Variants in GPHN observed in about 807,000 individuals in gnomAD.
The protein encoded by GPHN is gephyrin.
In GPHN, 17 loss-of-function variants were observed where a neutral mutation model predicts 95.5. The ratio of observed to expected loss-of-function variants is 0.18; its 90% CI spans 0.12 to 0.27. The LOEUF (loss-of-function observed/expected upper bound fraction) is 0.27. Ranked by LOEUF, GPHN falls within the 10% of genes least tolerant of loss-of-function variation. The probability of loss-of-function intolerance (pLI) is 1.00; values close to 1 mark genes in which losing one functional copy is unlikely to be tolerated. For missense variants in GPHN, 660 were observed against 978.1 expected, an observed-to-expected ratio of 0.67 and a Z score of 4.34; for synonymous variants, 320 against 322.5, an observed-to-expected ratio of 0.99 and a Z score of 0.08.
At chr14:67,486,107 C>T in the GPHN span, among the ~76,000 whole-genome samples, 18 of 152,182 alleles carry the variant, frequency 1.2e-4, no homozygotes, top group African/African-American at 1.7e-4. Flanking sequence ...GCTTCACTCA[C>T]GCCAGACAAT....
chr14:67,303,489 A>T, the GPHN span: 1 of 1,534,730 alleles, frequency 6.5e-7, no homozygotes, highest in African/African-American at 1.4e-5. Flanking sequence ...CATAAATGCA[A>T]ATTTAAAAAA....
intron 1 of GPHN, among the ~76,000 whole-genome samples, chr14:66,668,467 A>C (rs768253805): frequency 6.6e-6 from 1 of 152,192 alleles, no homozygotes; most frequent in South Asian, 2.1e-4. Flanking sequence ...GAGAATGAAG[A>C]TATGTCCTTT....
the GPHN span, chr14:67,241,360 C>G: frequency 6.7e-6 from 1 of 150,362 alleles, no homozygotes. Context: ...GCGGTGACGG[C>G]GGCGACGGAG....
chr14:66,598,358 A>G (rs2062071803), intron 1 of GPHN, among the ~76,000 whole-genome samples: 1 of 151,230 alleles, frequency 6.6e-6, no homozygotes, highest in Non-Finnish European at 1.5e-5. Flanking sequence ...GTATCAAAGC[A>G]TCATGTTTTA....
At chr14:67,275,201 T>C in the GPHN span, among the ~76,000 whole-genome samples, 1 of 152,208 alleles carries the variant, frequency 6.6e-6, no homozygotes, top group Non-Finnish European at 1.5e-5. Flanking sequence ...TTGTGGCAGT[T>C]TTGAAAGAGA....
intron 17 of GPHN, among the ~76,000 whole-genome samples, chr14:67,134,953 C>CTTCTTTTTTTTTTTTTTTTTTTTTTTT (rs573340363): frequency 2.2e-5 from 1 of 45,252 alleles, no homozygotes; most frequent in Non-Finnish European, 4.2e-5. Context: ...TTTCTTTCTT[C>CTTCTTTTTTTTTTTTTTTTTTTTTTTT]TTTTTTTTTT....
At chr14:66,964,738 C>T (rs958658559) in intron 8 of GPHN, among the ~76,000 whole-genome samples, 7 of 152,148 alleles carry the variant, frequency 4.6e-5, no homozygotes, top group African/African-American at 1.7e-4. Context: ...CTGCCAGTGC[C>T]TTTCACTGAC....
intron 1 of GPHN, among the ~76,000 whole-genome samples, chr14:66,522,730 A>G (rs1202824872): frequency 6.6e-6 from 1 of 151,854 alleles, no homozygotes; most frequent in Non-Finnish European, 1.5e-5. Flanking sequence ...AAAATTAATT[A>G]TTTTACCCTG....
chr14:66,771,238 C>T lies in GPHN; in HGVS notation c.144-5226C>T, dbSNP rs148340120. Among the ~76,000 whole-genome samples the T allele has an allele frequency of 4.5e-4, 69 of 152,252 alleles. No homozygotes were observed. In the East Asian group the frequency reaches 4.6e-3, roughly 10 times the overall value. On this transcript the variant is annotated intron_variant, in intron 2 of 22. Transcript: ENST00000478722. ...TGATAAATCTTTGATCACCGTGGAC[C>T]TCCAATTCTTTTTGATTGGCTCCTT...
At chr14:66,512,147 T>C (rs1469156393) in intron 1 of GPHN, among the ~76,000 whole-genome samples, 3 of 151,856 alleles carry the variant, frequency 2.0e-5, no homozygotes. Flanking sequence ...AGAAACAGGA[T>C]GTGGTGCAGA....
intron 1 of GPHN, among the ~76,000 whole-genome samples, chr14:66,574,403 C>T (rs1237458959): frequency 6.6e-6 from 1 of 152,088 alleles, no homozygotes; most frequent in Non-Finnish European, 1.5e-5. Flanking sequence ...TTTCTTATAA[C>T]TTTCATACTG....
chr14:67,403,375 C>T, the GPHN span, among the ~76,000 whole-genome samples: 3 of 152,190 alleles, frequency 2.0e-5, no homozygotes, highest in Non-Finnish European at 1.5e-5. Context: ...GGACAGGTGG[C>T]AAACAGAGTC....
chr14:66,767,441 GAAAAAA>G (rs375844697), intron 2 of GPHN, among the ~76,000 whole-genome samples: 1 of 96,916 alleles, frequency 1.0e-5, no homozygotes, highest in South Asian at 3.1e-4. Context: ...TTTTTGAACA[GAAAAAA>G]AAAAAAAAAA....
intron 2 of GPHN, among the ~76,000 whole-genome samples, chr14:66,739,248 G>C (rs577638514): frequency 7.4e-6 from 1 of 134,394 alleles, no homozygotes. Flanking sequence ...ACAGAGTCTC[G>C]CTCTGTCACC....
At chr14:66,728,886 G>T (rs2071500634) in intron 2 of GPHN, among the ~76,000 whole-genome samples, 1 of 152,138 alleles carries the variant, frequency 6.6e-6, no homozygotes, top group Non-Finnish European at 1.5e-5. Context: ...GGTCGGGGTG[G>T]AATGATATGG....
At chr14:67,381,296 A>G in the GPHN span, among the ~76,000 whole-genome samples, 1 of 152,230 alleles carries the variant, frequency 6.6e-6, no homozygotes, top group African/African-American at 2.4e-5. Flanking sequence ...CCCTTATATT[A>G]TACATACTTA....
At chr14:67,650,952 G>C in the GPHN span, 1 of 1,599,074 alleles carries the variant, frequency 6.3e-7, no homozygotes, top group Non-Finnish European at 8.6e-7. Flanking sequence ...TTTCACAACA[G>C]GCATTCCAGA....
intron 1 of GPHN, among the ~76,000 whole-genome samples, chr14:66,617,076 G>A (rs1013048789): frequency 1.1e-4 from 16 of 152,118 alleles, no homozygotes; most frequent in Admixed American, 6.5e-5. Context: ...TTACTTGGGG[G>A]AAGCACGTTG....
intron 3 of GPHN, among the ~76,000 whole-genome samples, chr14:66,788,569 C>A (rs1009927918): frequency 1.3e-5 from 2 of 152,204 alleles, no homozygotes; most frequent in Non-Finnish European, 2.9e-5. Context: ...ACATTGCATC[C>A]TGTATGATTT....
Sources: gnomAD v4.1 joint callset for allele counts (sites outside exome capture counted in the v4.1 genomes callset) on GRCh38, gnomAD v4.1.1 for gene constraint, MANE v1.5 for transcripts, NCBI Gene and HGNC (gene_info 2026-07-23, HGNC 2026-07-21) for gene names.